The following NTNG1 variants were observed in gnomAD, a reference collection of about 807,000 sequenced individuals.
NTNG1 encodes netrin-G1.
In NTNG1, 16 loss-of-function variants were observed where a neutral mutation model predicts 54.0. That is an observed-to-expected ratio of 0.30 (90% confidence interval 0.20 to 0.45). The LOEUF (loss-of-function observed/expected upper bound fraction) is 0.45, where lower values mean the gene tolerates loss of function less well. Among genes scored for constraint, NTNG1 ranks in the 20% least tolerant of loss-of-function variants. The pLI, the probability that NTNG1 is intolerant of heterozygous loss-of-function variation, is 1.00. For missense variants in NTNG1, 530 were observed against 678.7 expected (o/e 0.78, Z 2.43); for synonymous variants, 255 against 263.1 (o/e 0.97, Z 0.30).
At chr1:107,177,190 GC>G (rs1407503578) in intron 2 of NTNG1, among the ~76,000 whole-genome samples, 1 of 152,086 alleles carries the variant, frequency 6.6e-6, no homozygotes, top group Non-Finnish European at 1.5e-5. Flanking sequence ...AATATTCGAG[GC>G]CCTAACTGCC....
intron 5 of NTNG1, among the ~76,000 whole-genome samples, chr1:107,415,212 G>A (rs1055388479): frequency 3.2e-4 from 49 of 152,094 alleles, no homozygotes; most frequent in African/African-American, 1.2e-3. Flanking sequence ...CCATTTACAA[G>A]CATATCGTGA....
At chr1:107,452,098 T>C (rs1389813428) in intron 7 of NTNG1, among the ~76,000 whole-genome samples, 3 of 152,162 alleles carry the variant, frequency 2.0e-5, no homozygotes, top group Non-Finnish European at 4.4e-5. Context: ...TTACACCTCA[T>C]TGGGGTTGTT....
intron 2 of NTNG1, among the ~76,000 whole-genome samples, chr1:107,242,328 GCTCT>G (rs1020281715): frequency 1.3e-5 from 2 of 151,716 alleles, no homozygotes; most frequent in African/African-American, 4.8e-5. Context: ...GTTTGATCTC[GCTCT>G]CTCTCTCTTT....
At chr1:107,204,488 G>A (rs1483315785) in intron 2 of NTNG1, among the ~76,000 whole-genome samples, 2 of 151,998 alleles carry the variant, frequency 1.3e-5, no homozygotes, top group African/African-American at 4.8e-5. Context: ...GAGGGAGTGG[G>A]GCCTAGCTGA....
intron 7 of NTNG1, among the ~76,000 whole-genome samples, chr1:107,473,603 A>G (rs1241335259): frequency 6.6e-6 from 1 of 152,236 alleles, no homozygotes; most frequent in Non-Finnish European, 1.5e-5. Flanking sequence ...AAATGAAAGA[A>G]TTAAATAATT....
intron 2 of NTNG1, among the ~76,000 whole-genome samples, chr1:107,173,703 C>T (rs1360909107): frequency 8.5e-5 from 12 of 141,852 alleles, no homozygotes; most frequent in Admixed American, 1.4e-4. Flanking sequence ...TTTTTTTTTT[C>T]TTTTTTCTTT....
At chr1:107,403,960 G>A (rs745560257) in intron 4 of NTNG1, among the ~76,000 whole-genome samples, 10 of 151,342 alleles carry the variant, frequency 6.6e-5, no homozygotes, top group Non-Finnish European at 7.4e-5. Context: ...CCTTCCTTCC[G>A]TTCTTTTTAA....
chr1:107,191,464 G>A (rs1302247127), intron 2 of NTNG1, among the ~76,000 whole-genome samples: 3 of 151,728 alleles, frequency 2.0e-5, no homozygotes, highest in African/African-American at 7.3e-5. Context: ...GGCTTTTGTT[G>A]CCATTGCTTT....
intron 1 of NTNG1, among the ~76,000 whole-genome samples, chr1:107,144,810 G>A (rs1445194155): frequency 1.3e-5 from 2 of 151,932 alleles, no homozygotes. Flanking sequence ...GGTCTATGGG[G>A]TACTCACAAC....
intron 2 of NTNG1, among the ~76,000 whole-genome samples, chr1:107,275,397 T>A (rs1289896465): frequency 6.6e-6 from 1 of 151,840 alleles, no homozygotes; most frequent in Non-Finnish European, 1.5e-5. Context: ...TAAATAAAAA[T>A]AAATAAATAA....
chr1:107,221,426 G>A (rs1660336421), intron 2 of NTNG1, among the ~76,000 whole-genome samples: 1 of 152,148 alleles, frequency 6.6e-6, no homozygotes, highest in South Asian at 2.1e-4. Context: ...AAGATTCCAA[G>A]CAAGGTAGAC....
At chr1:107,458,857 T>G (rs1451775747) in intron 7 of NTNG1, among the ~76,000 whole-genome samples, 1 of 152,208 alleles carries the variant, frequency 6.6e-6, no homozygotes, top group Admixed American at 6.5e-5. Context: ...TCCTATTTGC[T>G]GGATGTGAAC....
rs527786246 is a variant in NTNG1 at position 107,281,216 on chromosome 1, A to C, written c.247-43066A>C. Among the ~76,000 whole-genome samples, 5 of 152,160 alleles carry C rather than the reference A, an allele frequency of 3.3e-5. No homozygotes were observed. The East Asian group carries it at 9.7e-4, about 29-fold the overall frequency. Reference sequence around the variant, plus strand: ...TTGTTATATGTCTATTCCTCTTTGTACTTCCACACAATTATGTACATATAA... The same window carrying C: ...TTGTTATATGTCTATTCCTCTTTGTCCTTCCACACAATTATGTACATATAA... On this transcript the variant is annotated intron_variant, in intron 2 of 7. Coordinates refer to ENST00000370068, the MANE Select transcript of NTNG1 (RefSeq NM_001113226.3).
chr1:107,169,397 G>A (rs919265705), intron 2 of NTNG1, among the ~76,000 whole-genome samples: 2 of 152,114 alleles, frequency 1.3e-5, no homozygotes, highest in African/African-American at 4.8e-5. Context: ...TAGTGGTGAA[G>A]TCTAGACTTG....
chr1:107,437,760 C>A (rs909566829), intron 7 of NTNG1, among the ~76,000 whole-genome samples: 1 of 152,024 alleles, frequency 6.6e-6, no homozygotes, highest in African/African-American at 2.4e-5. Context: ...TAACTAATAT[C>A]AAAATTATTA....
intron 3 of NTNG1, among the ~76,000 whole-genome samples, chr1:107,385,512 A>C (rs904697238): frequency 6.6e-6 from 1 of 152,032 alleles, no homozygotes; most frequent in Non-Finnish European, 1.5e-5. Flanking sequence ...TCATATGGCC[A>C]CACCTAGCTA....
intron 2 of NTNG1, among the ~76,000 whole-genome samples, chr1:107,295,569 G>A (rs774415835): frequency 1.3e-5 from 2 of 152,052 alleles, no homozygotes; most frequent in South Asian, 2.1e-4. Flanking sequence ...CTTTGAATTC[G>A]AGTTATGGCA....
At chr1:107,188,051 T>A (rs935876347) in intron 2 of NTNG1, among the ~76,000 whole-genome samples, 5 of 69,118 alleles carry the variant, frequency 7.2e-5, no homozygotes, top group Admixed American at 6.6e-4. Context: ...TAATCGGGAA[T>A]GGCATAGGCA....
At chr1:107,309,119 G>A (rs1025969414) in intron 2 of NTNG1, among the ~76,000 whole-genome samples, 7 of 151,888 alleles carry the variant, frequency 4.6e-5, no homozygotes, top group Non-Finnish European at 7.4e-5. Flanking sequence ...AATTCCTAAC[G>A]GGCTTTCCTA....
Sources: gnomAD v4.1 joint callset for allele counts (sites outside exome capture counted in the v4.1 genomes callset) on GRCh38, gnomAD v4.1.1 for gene constraint, MANE v1.5 for transcripts, NCBI Gene and HGNC (gene_info 2026-07-23, HGNC 2026-07-21) for gene names.